The following NPAS3 variants were observed in gnomAD, a reference collection of about 807,000 sequenced individuals.
The protein encoded by NPAS3 is neuronal PAS domain protein 3.
A neutral mutation model predicts 73.1 loss-of-function variants in NPAS3; 14 were observed. The observed-to-expected ratio is 0.19, with a 90% CI of 0.13 to 0.30. The LOEUF (loss-of-function observed/expected upper bound fraction) is 0.30, where lower values mean the gene tolerates loss of function less well. Ranked by LOEUF, NPAS3 falls within the 10% of genes least tolerant of loss-of-function variation. The pLI is 1.00. For missense variants in NPAS3, 1,096 were observed against 1,250.0 expected (o/e 0.88, Z 1.86); for synonymous variants, 620 against 541.5 (o/e 1.14, Z -2.01).
intron 3 of NPAS3, among the ~76,000 whole-genome samples, chr14:33,266,332 C>T (rs1030203588): frequency 2.0e-5 from 3 of 152,126 alleles, no homozygotes; most frequent in East Asian, 1.9e-4. Context: ...ATATCAACTG[C>T]TAAGCCAAAA....
chr14:33,172,223 C>G (rs1336259133), intron 2 of NPAS3, among the ~76,000 whole-genome samples: 1 of 152,174 alleles, frequency 6.6e-6, no homozygotes, highest in South Asian at 2.1e-4. Context: ...ATGGCACCGA[C>G]AGACTTACTC....
At chr14:33,700,718 C>G (rs1198390669) in intron 6 of NPAS3, among the ~76,000 whole-genome samples, 2 of 152,170 alleles carry the variant, frequency 1.3e-5, no homozygotes, top group African/African-American at 4.8e-5. Context: ...CACCCCTTCT[C>G]TAGATAGTGA....
intron 5 of NPAS3, among the ~76,000 whole-genome samples, chr14:33,602,643 G>C (rs1326533997): frequency 1.3e-5 from 2 of 152,100 alleles, no homozygotes; most frequent in African/African-American, 4.8e-5. Context: ...TTTTCATCCA[G>C]TGCTTAATGG....
intron 5 of NPAS3, among the ~76,000 whole-genome samples, chr14:33,650,619 A>G (rs1376733239): frequency 6.6e-6 from 1 of 152,232 alleles, no homozygotes; most frequent in Non-Finnish European, 1.5e-5. Context: ...TCCTCTGAGC[A>G]CAGCCCTCTG....
At chr14:33,802,123 TCTAA>T (rs1449587761), downstream of NPAS3, 1 of 152,166 alleles carries the variant, frequency 6.6e-6, no homozygotes. Context: ...CCTTACTCAG[TCTAA>T]CTGAGGCTAA....
intron 3 of NPAS3, among the ~76,000 whole-genome samples, chr14:33,219,870 A>G (rs1375584955): frequency 6.6e-6 from 1 of 152,200 alleles, no homozygotes; most frequent in African/African-American, 2.4e-5. Flanking sequence ...TAGAGACTCC[A>G]AGACTGAGTG....
intron 3 of NPAS3, among the ~76,000 whole-genome samples, chr14:33,279,781 C>T (rs1189010711): frequency 6.6e-6 from 1 of 152,050 alleles, no homozygotes; most frequent in Non-Finnish European, 1.5e-5. Context: ...TGTCAGAATA[C>T]AAAGTATTCT....
intron 4 of NPAS3, among the ~76,000 whole-genome samples, chr14:33,440,561 A>G (rs985811452): frequency 1.3e-5 from 2 of 152,218 alleles, no homozygotes; most frequent in African/African-American, 4.8e-5. Context: ...AAAGTTTGAA[A>G]GACGTGATTC....
Position 33,575,280 on chromosome 14 carries a change from A to G in NPAS3, c.558+15070A>G, listed in dbSNP as rs148447700. On this transcript the variant is annotated intron_variant, in intron 5 of 11. Coordinates refer to ENST00000356141, the Ensembl canonical transcript of NPAS3. ...GAGTCCAGTAACACTGCAACAATCC[A>G]AGATTCATAGATCGTATTCATTGTT... Among the ~76,000 whole-genome samples, 340 of 152,346 alleles carry G rather than the reference A, an allele frequency of 2.2e-3. 2 individuals carry two copies. The highest frequency in any genetic ancestry group is 7.9e-3 in the African/African-American group (327 of 41,578).
At chr14:33,490,861 C>T (rs1011212050) in intron 4 of NPAS3, among the ~76,000 whole-genome samples, 1 of 152,200 alleles carries the variant, frequency 6.6e-6, no homozygotes, top group Non-Finnish European at 1.5e-5. Context: ...GCCAGTAGCA[C>T]CACCAGGCCT....
intron 3 of NPAS3, among the ~76,000 whole-genome samples, chr14:33,323,454 T>G (rs1339359649): frequency 6.6e-6 from 1 of 152,232 alleles, no homozygotes; most frequent in Non-Finnish European, 1.5e-5. Flanking sequence ...AAACAACTTT[T>G]TACCTCTACT....
Position 32,979,295 on chromosome 14 carries a change from T to C in NPAS3, c.50+39929T>C, listed in dbSNP as rs140657323. Among the ~76,000 whole-genome samples the C allele has an allele frequency of 6.4e-4, 98 of 152,338 alleles. 1 individual carries two copies. The East Asian group carries it at 0.016, about 25-fold the overall frequency. ...GCTCTCTGGGTCTTATTATATAAAA[T>C]AGGGCTATTACTACTACCTACTTCA... On this transcript the variant is annotated intron_variant, in intron 1 of 11. Transcript: ENST00000356141.
chr14:33,407,745 G>A (rs574295565), intron 4 of NPAS3, among the ~76,000 whole-genome samples: 1 of 152,044 alleles, frequency 6.6e-6, no homozygotes, highest in African/African-American at 2.4e-5. Context: ...GTTTGAAATG[G>A]GTGTGAGTAC....
At chr14:33,282,338 C>T (rs2041662120) in intron 3 of NPAS3, among the ~76,000 whole-genome samples, 1 of 152,156 alleles carries the variant, frequency 6.6e-6, no homozygotes. Flanking sequence ...CAGTTCTGTG[C>T]CTGGCAGCTG....
intron 4 of NPAS3, among the ~76,000 whole-genome samples, chr14:33,552,648 GTTAT>G (rs1054833652): frequency 1.3e-5 from 2 of 151,368 alleles, no homozygotes; most frequent in Admixed American, 6.6e-5. Flanking sequence ...GTAAACAGTT[GTTAT>G]TTATTCTTTT....
intron 4 of NPAS3, among the ~76,000 whole-genome samples, chr14:33,456,448 C>A (rs764128566): frequency 1.3e-5 from 2 of 152,078 alleles, no homozygotes; most frequent in African/African-American, 2.4e-5. Flanking sequence ...CTCTTTTAAG[C>A]AGAAAAAGAC....
At chr14:33,634,199 T>C (rs1641254317) in intron 5 of NPAS3, among the ~76,000 whole-genome samples, 1 of 152,170 alleles carries the variant, frequency 6.6e-6, no homozygotes, top group Non-Finnish European at 1.5e-5. Flanking sequence ...CAGGCACTAG[T>C]GCTAGTAAAA....
intron 1 of NPAS3, 58 bp downstream of exon 1, chr14:32,939,424 C>T (rs1435651917): frequency 2.8e-5 from 16 of 561,668 alleles, no homozygotes; most frequent in Non-Finnish European, 4.8e-5. Flanking sequence ...CCGCCGCCGC[C>T]TCCGCCGCCG....
chr14:33,491,456 A>G (rs2051892958), intron 4 of NPAS3, among the ~76,000 whole-genome samples: 1 of 152,130 alleles, frequency 6.6e-6, no homozygotes, highest in African/African-American at 2.4e-5. Flanking sequence ...TCTATTTTGC[A>G]CAGTCTAAGA....
Sources: allele counts gnomAD v4.1 joint callset (sites outside exome capture counted in the v4.1 genomes callset), GRCh38; gene constraint gnomAD v4.1.1; transcripts MANE v1.5; gene names NCBI Gene and HGNC (gene_info 2026-07-23, HGNC 2026-07-21).